RABEP1: variants seen among roughly 807,000 people sequenced by gnomAD.
RABEP1 encodes the protein rabaptin, RAB GTPase binding effector protein 1.
Under a neutral mutation model 123.4 loss-of-function variants are expected in RABEP1, and 51 were observed. That is an observed-to-expected ratio of 0.41 (90% CI 0.33 to 0.52). The LOEUF (loss-of-function observed/expected upper bound fraction) is 0.52. Ranked by LOEUF, RABEP1 falls within the 20% of genes least tolerant of loss-of-function variation. RABEP1 has a pLI of 0.16. For synonymous variants in RABEP1, 347 were observed against 355.2 expected (o/e 0.98, Z 0.26); for missense variants, 888 against 996.3 (o/e 0.89, Z 1.46).
rs1458870626 is a variant in RABEP1, at chr17:5,373,300, T to C, written c.1885-14T>C. The C allele has an allele frequency of 6.2e-7, 1 of 1,609,256 alleles. No individual in the cohort carries two copies. The highest frequency in any genetic ancestry group is 1.3e-5 in the African/African-American group (1 of 74,668). On this transcript the variant is annotated splice_polypyrimidine_tract_variant and intron_variant, in intron 12 of 17. Transcript: ENST00000537505. ...TACCTTTCTGGCTGTGATTAGTATC[T>C]ACTTCTATTTTAGGCGGTGCTGATG... is the stretch of plus-strand genomic sequence containing the variant.
chr17:5,294,633 C>CTTGTTTTTTTTTTTTTT (rs2075063715), intron 1 of RABEP1, among the ~76,000 whole-genome samples: 1 of 53,024 alleles, frequency 1.9e-5, no homozygotes, highest in Non-Finnish European at 3.4e-5. Flanking sequence ...ACGGTATTGT[C>CTTGTTTTTTTTTTTTTT]TTTTTTTTTT....
chr17:5,343,227 A>T (rs1397732834), intron 5 of RABEP1, among the ~76,000 whole-genome samples: 2 of 152,056 alleles, frequency 1.3e-5, no homozygotes, highest in African/African-American at 4.8e-5. Context: ...ACTCCAGCCT[A>T]GGCGACGAGT....
chr17:5,330,688 T>G (rs994202080), intron 2 of RABEP1, among the ~76,000 whole-genome samples: 1 of 150,774 alleles, frequency 6.6e-6, no homozygotes, highest in African/African-American at 2.4e-5. Context: ...AGATGAAGAA[T>G]TTTTTTTTTC....
At chr17:5,368,298 T>C in intron 11 of RABEP1, 72 bp from the exon 12 acceptor site, 2 of 1,042,586 alleles carry the variant, frequency 1.9e-6, no homozygotes, top group Non-Finnish European at 2.9e-6. Flanking sequence ...ACTAAATAGT[T>C]AGAAGATGGA....
Position 5,378,221 on chromosome 17 carries a change from G to C in RABEP1, c.2260G>C (p.Glu754Gln). ...LKAELERIKV[E>Q]KGQLESTLRE... ...AGCTGAATTAGAAAGAATAAAAGTGGAAAAAGGACAGGTAAGTCGTGAGTT... is the reference window on the plus strand; with the variant it reads ...AGCTGAATTAGAAAGAATAAAAGTGCAAAAAGGACAGGTAAGTCGTGAGTT... Residue 754 changes from glutamate to glutamine, a missense_variant, in exon 15 of 18, where the codon GAA becomes CAA. Glu to Gln is a conservative substitution (Grantham distance 29). Transcript: ENST00000537505. 2 of 1,593,890 alleles carry C rather than the reference G, an allele frequency of 1.3e-6. No individual in the cohort carries two copies. The highest frequency in any genetic ancestry group is 1.7e-6 in the Non-Finnish European group (2 of 1,161,794).
In RABEP1 at chr17:5,323,694, C is replaced by CTAGGAATATATATATATATA. The variant is rs1567521952; in HGVS notation, c.164-8254_164-8253insAGGAATATATATATATATAT. On this transcript the variant is annotated intron_variant, in intron 2 of 17. Coordinates refer to ENST00000537505, the MANE Select transcript of RABEP1 (RefSeq NM_004703.6). ...TCATTGGTGATATATATATATATCT[C>CTAGGAATATATATATATATA]TCTCTAGGAATATATATATATATCT... Among the ~76,000 whole-genome samples, 189 of 90,298 alleles carry CTAGGAATATATATATATATA rather than the reference C, an allele frequency of 2.1e-3. 36 individuals carry two copies. Among genetic ancestry groups the CTAGGAATATATATATATATA allele is most frequent in the African/African-American group, 6.4e-3 (111 of 17,344 alleles). 59.2% of individuals were successfully genotyped at this position (90,298 alleles called of 152,430 possible).
At chr17:5,309,187 A>C (rs1438456602) in intron 2 of RABEP1, among the ~76,000 whole-genome samples, 4 of 152,234 alleles carry the variant, frequency 2.6e-5, no homozygotes, top group African/African-American at 9.6e-5. Flanking sequence ...AGTTTTACCC[A>C]ACAAATATTC....
At chr17:5,299,929 CATG>C (rs1241662099) in intron 1 of RABEP1, among the ~76,000 whole-genome samples, 5 of 151,778 alleles carry the variant, frequency 3.3e-5, no homozygotes, top group Admixed American at 1.3e-4. Flanking sequence ...GGGGTTTCAC[CATG>C]TGTGCCAGGA....
intron 5 of RABEP1, 166 bp downstream of exon 5, chr17:5,338,304 G>A: frequency 2.4e-6 from 2 of 830,344 alleles, no homozygotes; most frequent in Non-Finnish European, 1.7e-6. Context: ...GCTCACGCCT[G>A]TAATCCCAGC....
intron 1 of RABEP1, among the ~76,000 whole-genome samples, chr17:5,294,999 C>A (rs140590333): frequency 6.6e-6 from 1 of 150,870 alleles, no homozygotes; most frequent in South Asian, 2.1e-4. Context: ...TAAAAAAAAA[C>A]GTAAAAATTT....
In RABEP1 at chr17:5,328,300, A is replaced by G. The variant is rs554363865; in HGVS notation, c.164-3649A>G. ...AGGTGATAGGTAATAGGTGCCCATT[A>G]TAGGATTTTTTATATTGTTTCTATG... On this transcript the variant is annotated intron_variant, in intron 2 of 17. Transcript: ENST00000537505. Among the ~76,000 whole-genome samples, 7 of 152,302 alleles carry G rather than the reference A, an allele frequency of 4.6e-5. No homozygotes were observed. In the South Asian group the frequency reaches 1.5e-3, roughly 32 times the overall value.
chr17:5,325,321 CAA>C (rs1327460642), intron 2 of RABEP1, among the ~76,000 whole-genome samples: 4 of 151,398 alleles, frequency 2.6e-5, no homozygotes, highest in African/African-American at 4.9e-5. Flanking sequence ...ACCTGGGCAA[CAA>C]GAGCAAAACT....
intron 2 of RABEP1, among the ~76,000 whole-genome samples, 178 bp downstream of exon 2, chr17:5,309,000 T>C (rs2075208985): frequency 6.6e-6 from 1 of 152,196 alleles, no homozygotes; most frequent in South Asian, 2.1e-4. Context: ...AGTTGAAAAA[T>C]GCCTTCTTCA....
chr17:5,333,214 G>A (rs1050795641), intron 3 of RABEP1, among the ~76,000 whole-genome samples: 1 of 152,078 alleles, frequency 6.6e-6, no homozygotes, highest in Non-Finnish European at 1.5e-5. Context: ...CCAGGCTGGA[G>A]TGCAGCGGCA....
Position 5,384,522 on chromosome 17 carries a change from G to A in RABEP1, c.*1299G>A, listed in dbSNP as rs984424967. On this transcript the variant is annotated 3_prime_UTR_variant, in exon 18 of 18. Transcript: ENST00000537505. ...GAGCCTTCTGGGAGTTAGTGAACTA[G>A]GTAGATTGTTTTGTTCACATAACGC... 1 of 216,064 alleles carries A rather than the reference G, an allele frequency of 4.6e-6. No individual in the cohort carries two copies. Among genetic ancestry groups the A allele is most frequent in the African/African-American group, 2.2e-5 (1 of 44,554 alleles). The allele number at this position is 216,064 out of a possible 1,614,324, so 13.4% of individuals were successfully genotyped here.
intron 1 of RABEP1, among the ~76,000 whole-genome samples, chr17:5,304,674 A>G (rs926976190): frequency 1.3e-5 from 2 of 152,140 alleles, no homozygotes; most frequent in Non-Finnish European, 2.9e-5. Flanking sequence ...GATGTGTGGA[A>G]CTGTTGACAA....
intron 1 of RABEP1, among the ~76,000 whole-genome samples, chr17:5,284,821 G>C (rs915690756): frequency 6.6e-6 from 1 of 150,886 alleles, no homozygotes; most frequent in African/African-American, 2.4e-5. Flanking sequence ...TTTAGCTTTA[G>C]GCACGTTTGA....
At chr17:5,331,709 CATTT>C (rs922473554) in intron 2 of RABEP1, among the ~76,000 whole-genome samples, 12 of 152,112 alleles carry the variant, frequency 7.9e-5, no homozygotes, top group Non-Finnish European at 1.8e-4. Context: ...TGACCAAGTT[CATTT>C]AGTCAGCAGA....
At chr17:5,290,279 G>T (rs1458744010) in intron 1 of RABEP1, among the ~76,000 whole-genome samples, 2 of 152,046 alleles carry the variant, frequency 1.3e-5, no homozygotes, top group African/African-American at 2.4e-5. Flanking sequence ...TAGTAGAGAC[G>T]GGGTTTCACC....
Sources: gnomAD v4.1 joint callset for allele counts (sites outside exome capture counted in the v4.1 genomes callset) on GRCh38, gnomAD v4.1.1 for gene constraint, MANE v1.5 for transcripts, NCBI Gene and HGNC (gene_info 2026-07-23, HGNC 2026-07-21) for gene names.